SSTR2: variants seen among roughly 807,000 people sequenced by gnomAD.
SSTR2 encodes somatostatin receptor 2.
SSTR2 carries 10 observed loss-of-function variants against 21.4 expected under a neutral mutation model. The ratio of observed to expected loss-of-function variants is 0.47; its 90% CI spans 0.29 to 0.79. The LOEUF (loss-of-function observed/expected upper bound fraction) is 0.79, where lower values mean the gene tolerates loss of function less well. SSTR2 is among the 30% of genes least tolerant of loss of function. The probability of loss-of-function intolerance (pLI) is 0.10; values close to 1 mark genes in which losing one functional copy is unlikely to be tolerated. For synonymous variants in SSTR2, 177 were observed against 181.3 expected (o/e 0.98, Z 0.19); for missense variants, 364 against 468.8 (o/e 0.78, Z 2.06).
intron 1 of SSTR2, among the ~76,000 whole-genome samples, chr17:73,168,354 G>A (rs777322336): frequency 2.0e-5 from 3 of 152,204 alleles, no homozygotes; most frequent in Non-Finnish European, 2.9e-5. Flanking sequence ...AAATTCTCTG[G>A]AGTGTTACAG....
At chr17:73,167,502 A>G (rs1300718842) in intron 1 of SSTR2, among the ~76,000 whole-genome samples, 1 of 152,204 alleles carries the variant, frequency 6.6e-6, no homozygotes. Flanking sequence ...CAGGAAAAGG[A>G]CCTAGCTCAG....
chr17:73,174,947 TAA>T lies in SSTR2; in HGVS notation c.*4519_*4520del, dbSNP rs2061245217. 6.5e-6 allele frequency: 1 copy of T among 152,692 alleles called. No homozygotes were observed. The highest frequency in any genetic ancestry group is 1.5e-5 in the Non-Finnish European group (1 of 68,030). The allele number at this position is 152,692 out of a possible 1,614,324, so 9.5% of individuals were successfully genotyped here. A position where few individuals can be genotyped will look rare whatever the true frequency, so the allele number is the denominator to read the frequency against. On this transcript the variant is annotated 3_prime_UTR_variant, in exon 2 of 2. Transcript: ENST00000357585. ...GAATTGATAACTGAGCAGGGAAACG[TAA>T]TTTGGATTGTAAAATTCTTGCTTTA...
In SSTR2 at chr17:73,173,693, C is replaced by T. The variant is rs2061241790; in HGVS notation, c.*3264C>T. 1 of 152,200 alleles carries T rather than the reference C, an allele frequency of 6.6e-6. No homozygotes were observed. Among genetic ancestry groups the T allele is most frequent in the African/African-American group, 2.4e-5 (1 of 41,438 alleles). 9.4% of individuals were successfully genotyped at this position (152,200 alleles called of 1,614,324 possible). ...CAAGCTGCTACTTACCCGCCATTAG[C>T]ATGGGTAGTTAAGTGCTGATTAAAC... On this transcript the variant is annotated 3_prime_UTR_variant, in exon 2 of 2. Coordinates refer to ENST00000357585, the MANE Select transcript of SSTR2 (RefSeq NM_001050.3).
rs917117756 is a variant in SSTR2 at position 73,170,892 on chromosome 17, G to T, written c.*463G>T. On this transcript the variant is annotated 3_prime_UTR_variant, in exon 2 of 2. Coordinates refer to ENST00000357585, the MANE Select transcript of SSTR2 (RefSeq NM_001050.3). ...GTATGCATAGTGTAGATGGACATTT[G>T]CCACAACACACTGCCCGCAGAAATG... 5.3e-6 allele frequency: 2 copies of T among 377,938 alleles called. No homozygotes were observed. Among genetic ancestry groups the T allele is most frequent in the African/African-American group, 4.3e-5 (2 of 46,584 alleles). 23.4% of individuals were successfully genotyped at this position (377,938 alleles called of 1,614,324 possible).
Position 73,169,265 on chromosome 17 carries a change from G to T in SSTR2, c.-55G>T. On this transcript the variant is annotated 5_prime_UTR_variant, in exon 2 of 2. In the 5' UTR this introduces an upstream ATG that the reference lacks. Coordinates refer to ENST00000357585, the MANE Select transcript of SSTR2 (RefSeq NM_001050.3). This position sits in a 1 kb window ranked among gnomAD's most constrained non-coding sequence, Gnocchi z 5.2. The stretch of plus-strand genomic sequence containing the variant: ...ATCCTTGGCCTCCAGGGTCCATTAA[G>T]GTGAGAATAAGATCTCTGGGCTGGC... 1 of 1,559,010 alleles carries T rather than the reference G, an allele frequency of 6.4e-7. No individual in the cohort carries two copies. The highest frequency in any genetic ancestry group is 8.7e-7 in the Non-Finnish European group (1 of 1,152,714).
At chr17:73,165,702 G>A (rs559005413) in intron 1 of SSTR2, among the ~76,000 whole-genome samples, 53 of 151,972 alleles carry the variant, frequency 3.5e-4, no homozygotes, top group African/African-American at 1.2e-3. Flanking sequence ...GCTCCTGCGG[G>A]AGCGCACCCG....
Position 73,170,968 on chromosome 17 carries a change from G to A in SSTR2, c.*539G>A, listed in dbSNP as rs999685574. The A allele has an allele frequency of 9.1e-6, 3 of 330,578 alleles. No individual in the cohort carries two copies. The highest frequency in any genetic ancestry group is 4.1e-5 in the Admixed American group (1 of 24,458). The allele number at this position is 330,578 out of a possible 1,614,324, so 20.5% of individuals were successfully genotyped here. A position where few individuals can be genotyped will look rare whatever the true frequency, so the allele number is the denominator to read the frequency against. On this transcript the variant is annotated 3_prime_UTR_variant, in exon 2 of 2. Coordinates refer to ENST00000357585, the MANE Select transcript of SSTR2 (RefSeq NM_001050.3). ...CAAGCTTCAGGGATCTCTCTTGCAC[G>A]GGCCTTGCCAAGGCCCAGGAGGGAC...
rs966513155 is a variant in SSTR2, at chr17:73,170,891, T to A, written c.*462T>A. The A allele has an allele frequency of 7.9e-6, 3 of 379,068 alleles. No homozygotes were observed. The highest frequency in any genetic ancestry group is 1.6e-5 in the Non-Finnish European group (3 of 186,050). 23.5% of individuals were successfully genotyped at this position (379,068 alleles called of 1,614,324 possible). ...AGTATGCATAGTGTAGATGGACATTTGCCACAACACACTGCCCGCAGAAAT... is the reference window on the plus strand; with the variant it reads ...AGTATGCATAGTGTAGATGGACATTAGCCACAACACACTGCCCGCAGAAAT... On this transcript the variant is annotated 3_prime_UTR_variant, in exon 2 of 2. Coordinates refer to ENST00000357585, the MANE Select transcript of SSTR2 (RefSeq NM_001050.3).
Position 73,170,460 on chromosome 17 carries a change from ATGCTC to A in SSTR2, c.*34_*38del, listed in dbSNP as rs1379239411. 5 of 1,601,382 alleles carry A rather than the reference ATGCTC, an allele frequency of 3.1e-6. No homozygotes were observed. The highest frequency in any genetic ancestry group is 1.7e-5 in the Admixed American group (1 of 59,242). ...TTGGGGGGTGGGAAAGAACCAAGCC[ATGCTC>A]TGTCTACTGGCAATGGGCTCCCTAC... On this transcript the variant is annotated 3_prime_UTR_variant, in exon 2 of 2. Coordinates refer to ENST00000357585, the MANE Select transcript of SSTR2 (RefSeq NM_001050.3).
chr17:73,165,526 A>T (rs1046608191), intron 1 of SSTR2, among the ~76,000 whole-genome samples: 1 of 152,058 alleles, frequency 6.6e-6, no homozygotes, highest in African/African-American at 2.4e-5. Flanking sequence ...GGCTGTGGGT[A>T]GAGTGTGCTG....
rs141519594 is a variant in SSTR2, at chr17:73,170,376, A to G, written c.1057A>G (p.Thr353Ala). The change falls in exon 2 of 2, where the codon ACC (threonine) becomes GCC (alanine). Residue 353 changes from threonine to alanine, a missense_variant. By Grantham distance (58) the Thr-to-Ala change is moderately conservative. This residue lies in a region of SSTR2 where 71 missense variants were observed against 53.8 expected (regional missense o/e 1.32). Transcript: ENST00000357585. ...SKQDKSRLNE[T>A]TETQRTLLNG... ...GCAGGACAAATCCCGGCTGAATGAGACCACGGAGACCCAGAGGACCCTCCT... is the reference window on the plus strand; with the variant it reads ...GCAGGACAAATCCCGGCTGAATGAGGCCACGGAGACCCAGAGGACCCTCCT... The G allele has an allele frequency of 4.1e-5, 66 of 1,613,822 alleles. No individual in the cohort carries two copies. The African/African-American group carries it at 7.3e-4, about 18-fold the overall frequency.
Position 73,173,807 on chromosome 17 carries a change from G to A in SSTR2, c.*3378G>A, listed in dbSNP as rs1178887815. 1 of 152,200 alleles carries A rather than the reference G, an allele frequency of 6.6e-6. No individual in the cohort carries two copies. The highest frequency in any genetic ancestry group is 1.5e-5 in the Non-Finnish European group (1 of 68,044). 9.4% of individuals were successfully genotyped at this position (152,200 alleles called of 1,614,324 possible). ...GATGTTAGCTTGTGTTTCAGTAACA[G>A]AGTTGGGTAATACTGGACGTGTAGA... On this transcript the variant is annotated 3_prime_UTR_variant, in exon 2 of 2. Transcript: ENST00000357585.
At chr17:73,166,572 G>A (rs1037574103) in intron 1 of SSTR2, among the ~76,000 whole-genome samples, 5 of 152,174 alleles carry the variant, frequency 3.3e-5, no homozygotes, top group Non-Finnish European at 7.4e-5. Context: ...GAAAAACAAA[G>A]AATGCAGAAA....
At chr17:73,167,852 G>C (rs2061221275) in intron 1 of SSTR2, 1 of 152,232 alleles carries the variant, frequency 6.6e-6, no homozygotes. Context: ...TCCTCTCCAG[G>C]CCCCCAACCC....
chr17:73,167,798 A>G (rs946729091), intron 1 of SSTR2, among the ~76,000 whole-genome samples: 1 of 152,122 alleles, frequency 6.6e-6, no homozygotes, highest in Non-Finnish European at 1.5e-5. Context: ...GGCACTGGCC[A>G]AGTTTGTTCA....
intron 1 of SSTR2, among the ~76,000 whole-genome samples, chr17:73,167,604 GTCC>G (rs760254483): frequency 1.2e-4 from 19 of 152,182 alleles, no homozygotes; most frequent in East Asian, 1.2e-3. Flanking sequence ...CCTCTTTGCT[GTCC>G]TCCTGCTTCA....
At position 73,166,540 on chromosome 17, in the gene SSTR2, G is replaced by T. The variant is rs377487526; in HGVS notation, c.-93+1252G>T. ...GGAAACCAACCACTAGCCATTTCCA[G>T]CATCTAACAATTCTTGGGCTGGAAA... On this transcript the variant is annotated intron_variant, in intron 1 of 1. Coordinates refer to ENST00000357585, the MANE Select transcript of SSTR2 (RefSeq NM_001050.3). Among the ~76,000 whole-genome samples the T allele has an allele frequency of 4.0e-4, 61 of 152,262 alleles. No individual in the cohort carries two copies. The Middle Eastern group carries it at 0.014, about 34-fold the overall frequency.
intron 1 of SSTR2, among the ~76,000 whole-genome samples, chr17:73,166,306 G>C (rs1272462073): frequency 2.0e-5 from 3 of 152,356 alleles, no homozygotes; most frequent in South Asian, 2.1e-4. Flanking sequence ...GAGGGAGGCG[G>C]GGGGTGGGAA....
rs1599310590 is a variant in SSTR2, at chr17:73,171,959, G to GAAAAAAAAAAAAAAAAAAAAAAA, written c.*1534_*1535insAAAAAAAAAAAAAAAAAAAAAAA. The GAAAAAAAAAAAAAAAAAAAAAAA allele has an allele frequency of 1.4e-5, 1 of 73,164 alleles. No individual in the cohort carries two copies. Among genetic ancestry groups the GAAAAAAAAAAAAAAAAAAAAAAA allele is most frequent in the East Asian group, 4.4e-4 (1 of 2,256 alleles). 4.5% of individuals were successfully genotyped at this position (73,164 alleles called of 1,614,324 possible). ...AAAAAAAAAAAAAAAAAAAAAAAAG[G>GAAAAAAAAAAAAAAAAAAAAAAA]AAAACCACAATGCGTACTAAAGACC... On this transcript the variant is annotated 3_prime_UTR_variant, in exon 2 of 2. Transcript: ENST00000357585.
Sources: allele counts gnomAD v4.1 joint callset (sites outside exome capture counted in the v4.1 genomes callset), GRCh38; gene constraint gnomAD v4.1.1; regional missense constraint gnomAD v4.1.1; non-coding constraint Gnocchi (gnomAD v3.1); transcripts MANE v1.5; gene names NCBI Gene and HGNC (gene_info 2026-07-23, HGNC 2026-07-21).